Variants in ZBTB7C observed in about 807,000 individuals in gnomAD.
ZBTB7C encodes zinc finger and BTB domain-containing protein 7C.
A neutral mutation model predicts 25.7 loss-of-function variants in ZBTB7C; 8 were observed. That is an observed-to-expected ratio of 0.31 (90% CI 0.18 to 0.56). ZBTB7C has a LOEUF of 0.56. Among genes scored for constraint, ZBTB7C ranks in the 20% least tolerant of loss-of-function variants. The pLI is 0.91. For missense variants in ZBTB7C, 824 were observed against 855.2 expected, an observed-to-expected ratio of 0.96 and a Z score of 0.46; for synonymous variants, 394 against 369.0, an observed-to-expected ratio of 1.07 and a Z score of -0.78.
intron 3 of ZBTB7C, among the ~76,000 whole-genome samples, chr18:48,113,541 C>A (rs1184035808): frequency 6.6e-6 from 1 of 152,264 alleles, no homozygotes; most frequent in African/African-American, 2.4e-5. Flanking sequence ...GCCACTTACC[C>A]TCATCTGGGG....
At chr18:48,250,048 G>T (rs1288470377) in intron 2 of ZBTB7C, among the ~76,000 whole-genome samples, 1 of 152,094 alleles carries the variant, frequency 6.6e-6, no homozygotes. Flanking sequence ...GCCCAAACCA[G>T]AACACATGGT....
At chr18:48,225,979 G>C (rs575738612) in intron 2 of ZBTB7C, among the ~76,000 whole-genome samples, 1 of 152,196 alleles carries the variant, frequency 6.6e-6, no homozygotes, top group Non-Finnish European at 1.5e-5. Context: ...TTGACCTCGC[G>C]ATCCACCCGC....
At chr18:48,030,267 T>G (rs752732252) in intron 4 of ZBTB7C, among the ~76,000 whole-genome samples, 32 of 152,242 alleles carry the variant, frequency 2.1e-4, no homozygotes, top group Non-Finnish European at 4.1e-4. Context: ...CCTCGGATAG[T>G]GCAGCGACTT....
chr18:48,175,779 T>C (rs1212470501), intron 3 of ZBTB7C, among the ~76,000 whole-genome samples: 2 of 152,200 alleles, frequency 1.3e-5, no homozygotes, highest in Non-Finnish European at 2.9e-5. Flanking sequence ...GGGATAGTGG[T>C]GTATTAAAAT....
At chr18:48,241,852 A>C (rs1048869710) in intron 2 of ZBTB7C, among the ~76,000 whole-genome samples, 1 of 152,182 alleles carries the variant, frequency 6.6e-6, no homozygotes, top group Non-Finnish European at 1.5e-5. Flanking sequence ...GAAATAACCA[A>C]GATTAGAGCA....
chr18:48,148,688 C>A (rs889523988), intron 3 of ZBTB7C: 1 of 152,146 alleles, frequency 6.6e-6, no homozygotes. Context: ...AATCTGGTGA[C>A]GAATTCTTGC....
At chr18:48,051,509 A>T (rs2036685831) in intron 3 of ZBTB7C, among the ~76,000 whole-genome samples, 1 of 152,170 alleles carries the variant, frequency 6.6e-6, no homozygotes, top group South Asian at 2.1e-4. Flanking sequence ...CTTTCAAAGC[A>T]CTTTGACCTC....
At chr18:48,256,683 A>T (rs2044031372) in intron 2 of ZBTB7C, among the ~76,000 whole-genome samples, 1 of 151,966 alleles carries the variant, frequency 6.6e-6, no homozygotes, top group South Asian at 2.1e-4. Flanking sequence ...CATATGTAAA[A>T]GTAAAATGTA....
At chr18:48,030,103 TAA>T (rs1320634355) in intron 4 of ZBTB7C, among the ~76,000 whole-genome samples, 192 bp from the exon 5 acceptor site, 1 of 152,134 alleles carries the variant, frequency 6.6e-6, no homozygotes. Context: ...TCACCTGGAT[TAA>T]AGGGATGCGG....
intron 3 of ZBTB7C, among the ~76,000 whole-genome samples, chr18:48,099,397 C>T (rs1211720304): frequency 1.3e-5 from 2 of 152,236 alleles, no homozygotes; most frequent in Non-Finnish European, 2.9e-5. Context: ...CTGAAAGTTA[C>T]TGAAACAGCA....
intron 3 of ZBTB7C, among the ~76,000 whole-genome samples, chr18:48,062,359 G>T (rs1170112809): frequency 6.6e-6 from 1 of 151,990 alleles, no homozygotes; most frequent in African/African-American, 2.4e-5. Flanking sequence ...GGAAGCATGA[G>T]TCACGCTTGA....
chr18:48,367,297 CATATATGTATAGATACATATATGTGTGT>C (rs1255274020), intron 1 of ZBTB7C, among the ~76,000 whole-genome samples: 3 of 118,974 alleles, frequency 2.5e-5, no homozygotes, highest in African/African-American at 9.8e-5. Flanking sequence ...TGTATCTATA[CATATATGTATAGATACATATATGTGTGT>C]ATATATATAC....
chr18:48,312,646 C>T (rs926842703), intron 2 of ZBTB7C, among the ~76,000 whole-genome samples: 2 of 152,202 alleles, frequency 1.3e-5, no homozygotes, highest in African/African-American at 4.8e-5. Flanking sequence ...ACCTACCTCA[C>T]AGCAATGTTG....
intron 4 of ZBTB7C, among the ~76,000 whole-genome samples, chr18:48,032,306 G>A (rs1439602201): frequency 2.7e-5 from 4 of 150,926 alleles, no homozygotes; most frequent in East Asian, 2.0e-4. Context: ...AAGTAGAAAC[G>A]GGCCTTCACC....
At chr18:48,344,261 G>A (rs561370236) in intron 1 of ZBTB7C, among the ~76,000 whole-genome samples, 1 of 152,340 alleles carries the variant, frequency 6.6e-6, no homozygotes, top group East Asian at 1.9e-4. Context: ...TGGGATTATA[G>A]GCGTGAGCCA....
At chr18:48,313,705 A>G (rs1347744485) in intron 2 of ZBTB7C, among the ~76,000 whole-genome samples, 1 of 152,210 alleles carries the variant, frequency 6.6e-6, no homozygotes, top group African/African-American at 2.4e-5. Flanking sequence ...AAAGGACAGA[A>G]GCCACAGAAT....
At chr18:48,083,767 T>C (rs2038080601) in intron 3 of ZBTB7C, 1 of 924,204 alleles carries the variant, frequency 1.1e-6, no homozygotes, top group African/African-American at 1.8e-5. Context: ...CTGTAAATGG[T>C]GGCTGGGTAA....
intron 2 of ZBTB7C, among the ~76,000 whole-genome samples, chr18:48,312,662 A>C (rs1349788597): frequency 6.6e-6 from 1 of 152,214 alleles, no homozygotes; most frequent in Admixed American, 6.5e-5. Context: ...TGTTGTGAGA[A>C]TTAACAAGCT....
At chr18:48,194,549 G>T (rs940527555) in intron 2 of ZBTB7C, among the ~76,000 whole-genome samples, 1 of 152,180 alleles carries the variant, frequency 6.6e-6, no homozygotes, top group African/African-American at 2.4e-5. Flanking sequence ...GCTCCCAGGG[G>T]CAGCAGAGTA....
Sources: allele counts gnomAD v4.1 joint callset (sites outside exome capture counted in the v4.1 genomes callset), GRCh38; gene constraint gnomAD v4.1.1; transcripts MANE v1.5; gene names NCBI Gene and HGNC (gene_info 2026-07-23, HGNC 2026-07-21).